The following SND1 variants were observed in gnomAD, a reference collection of about 807,000 sequenced individuals.
The protein encoded by SND1 is staphylococcal nuclease and tudor domain containing 1.
Under a neutral mutation model 121.7 loss-of-function variants are expected in SND1, and 38 were observed. That is an observed-to-expected ratio of 0.31 (90% CI 0.24 to 0.41). The LOEUF is 0.41. Ranked by LOEUF, SND1 falls within the 10% of genes least tolerant of loss-of-function variation. The pLI, the probability that SND1 is intolerant of heterozygous loss-of-function variation, is 1.00. For synonymous variants in SND1, 401 were observed against 447.4 expected, an observed-to-expected ratio of 0.90 and a Z score of 1.31; for missense variants, 868 against 1,184.6, an observed-to-expected ratio of 0.73 and a Z score of 3.92.
chr7:127,765,559 G>T (rs1329394212), intron 10 of SND1, among the ~76,000 whole-genome samples: 2 of 152,206 alleles, frequency 1.3e-5, no homozygotes, highest in Non-Finnish European at 2.9e-5. Flanking sequence ...TCAATCTCTT[G>T]TAAGTGCTGA....
chr7:127,973,108 G>A (rs537899966), intron 15 of SND1, among the ~76,000 whole-genome samples: 1 of 152,300 alleles, frequency 6.6e-6, no homozygotes, highest in East Asian at 1.9e-4. Context: ...TGAAGAGGAA[G>A]GAGCAGCCCT....
intron 11 of SND1, among the ~76,000 whole-genome samples, chr7:127,817,382 T>C (rs935053166): frequency 3.3e-5 from 5 of 152,190 alleles, no homozygotes; most frequent in African/African-American, 1.2e-4. Flanking sequence ...ATATTTCCCC[T>C]CCTAACTTCT....
At position 127,708,472 on chromosome 7, in the gene SND1, A is replaced by G. The variant is rs78702890; in HGVS notation, c.1038+825A>G. 2.8e-3 allele frequency among the ~76,000 whole-genome samples: 427 copies of G among 150,182 alleles called. 2 individuals carry two copies. Among genetic ancestry groups the G allele is most frequent in the African/African-American group, 9.9e-3 (403 of 40,856 alleles). On this transcript the variant is annotated intron_variant, in intron 9 of 23. Coordinates refer to ENST00000354725, the MANE Select transcript of SND1 (RefSeq NM_014390.4). ...CTGAAGAGAGATAAATGCATTTTCA[A>G]CTTACAGCATTTTCAGCTTATGATG...
chr7:128,030,711 C>T, intron 16 of SND1: 1 of 1,496,386 alleles, frequency 6.7e-7, no homozygotes. Flanking sequence ...CCTACCCCGG[C>T]TTAAGTGAGC....
intron 10 of SND1, among the ~76,000 whole-genome samples, chr7:127,739,145 A>G (rs1796831512): frequency 6.6e-6 from 1 of 152,206 alleles, no homozygotes; most frequent in African/African-American, 2.4e-5. Flanking sequence ...AGGGCTGGTG[A>G]TCATTCAGTG....
chr7:127,882,167 A>G (rs573397238), intron 12 of SND1, among the ~76,000 whole-genome samples: 1 of 151,920 alleles, frequency 6.6e-6, no homozygotes, highest in East Asian at 2.0e-4. Flanking sequence ...GGGTAGGAGG[A>G]TCCCTTAAGC....
intron 10 of SND1, among the ~76,000 whole-genome samples, chr7:127,782,550 A>G (rs1367249046): frequency 6.6e-6 from 1 of 152,246 alleles, no homozygotes; most frequent in African/African-American, 2.4e-5. Context: ...AGTTCGCTGA[A>G]AGTAGAATTT....
chr7:127,669,485 T>C (rs1423155308), intron 1 of SND1, among the ~76,000 whole-genome samples: 2 of 152,262 alleles, frequency 1.3e-5, no homozygotes, highest in African/African-American at 2.4e-5. Flanking sequence ...CTGTTCAATA[T>C]TCAGTTGTCT....
rs1798902613 is a variant in SND1 at position 127,838,296 on chromosome 7, C to CA, written c.1243-6027dup. Among the ~76,000 whole-genome samples the CA allele has an allele frequency of 2.0e-5, 3 of 152,172 alleles. No individual in the cohort carries two copies. In the South Asian group the frequency reaches 6.2e-4, roughly 32 times the overall value. On this transcript the variant is annotated intron_variant, in intron 11 of 23. Transcript: ENST00000354725. ...AAACTTTAAAATGGAGAACAAGGAA[C>CA]AGGGGAGCTGAACATACTGATGCAC...
intron 9 of SND1, among the ~76,000 whole-genome samples, chr7:127,714,810 G>C (rs1356569905): frequency 6.6e-6 from 1 of 152,124 alleles, no homozygotes; most frequent in African/African-American, 2.4e-5. Context: ...CCATGTTGTT[G>C]GATGAGTCAG....
Position 128,030,596 on chromosome 7 carries a change from A to T in SND1, c.1779+39540A>T, listed in dbSNP as rs1792558760. 2 of 1,594,782 alleles carry T rather than the reference A, an allele frequency of 1.3e-6. No homozygotes were observed. Among genetic ancestry groups the T allele is most frequent in the Non-Finnish European group, 1.7e-6 (2 of 1,167,712 alleles). On this transcript the variant is annotated intron_variant, in intron 16 of 23. Transcript: ENST00000354725. Reference sequence around the variant, plus strand: ...GGTAGACGAACGGGAGCAGGATGGCATTCCAGGTGTGGTGGTGCACAGTTA... The same window carrying T: ...GGTAGACGAACGGGAGCAGGATGGCTTTCCAGGTGTGGTGGTGCACAGTTA...
intron 16 of SND1, among the ~76,000 whole-genome samples, chr7:128,056,329 C>T (rs566962594): frequency 2.0e-5 from 3 of 152,208 alleles, no homozygotes; most frequent in Non-Finnish European, 2.9e-5. Flanking sequence ...AGGGCGCAGC[C>T]ATAATGAGCC....
chr7:127,656,141 A>C (rs959865130), intron 1 of SND1, among the ~76,000 whole-genome samples: 1 of 151,986 alleles, frequency 6.6e-6, no homozygotes, highest in Non-Finnish European at 1.5e-5. Flanking sequence ...AAGGGCCATA[A>C]TTTTCTCCTT....
chr7:127,842,387 A>G (rs965560209), intron 11 of SND1, among the ~76,000 whole-genome samples: 1 of 152,204 alleles, frequency 6.6e-6, no homozygotes, highest in Admixed American at 6.5e-5. Flanking sequence ...TTTATCTTCA[A>G]AGTTTTCATA....
At chr7:128,014,720 A>G (rs1217924256) in intron 16 of SND1, among the ~76,000 whole-genome samples, 2 of 151,804 alleles carry the variant, frequency 1.3e-5, no homozygotes, top group Non-Finnish European at 2.9e-5. Context: ...CTATCTGTGG[A>G]TCAAGATTCA....
At chr7:127,867,647 C>G (rs977190312) in intron 12 of SND1, among the ~76,000 whole-genome samples, 1 of 152,218 alleles carries the variant, frequency 6.6e-6, no homozygotes, top group African/African-American at 2.4e-5. Flanking sequence ...TATCCTGGCT[C>G]TCCTCACTGC....
chr7:128,064,816 A>T (rs1044985317), intron 16 of SND1, among the ~76,000 whole-genome samples: 19 of 152,350 alleles, frequency 1.2e-4, no homozygotes, highest in South Asian at 1.2e-3. Context: ...AGATTGGGAA[A>T]CACAGGCCTA....
intron 14 of SND1, among the ~76,000 whole-genome samples, chr7:127,907,623 C>T (rs1800366366): frequency 6.6e-6 from 1 of 152,140 alleles, no homozygotes; most frequent in African/African-American, 2.4e-5. Flanking sequence ...TATCTCTCAC[C>T]ACCCTCCTCT....
intron 10 of SND1, among the ~76,000 whole-genome samples, chr7:127,744,304 A>G (rs2116442219): frequency 6.6e-6 from 1 of 152,070 alleles, no homozygotes; most frequent in Middle Eastern, 3.4e-3. Context: ...GGGTCGGCTT[A>G]GAGACCACCC....
Sources: allele counts gnomAD v4.1 joint callset (sites outside exome capture counted in the v4.1 genomes callset), GRCh38; gene constraint gnomAD v4.1.1; transcripts MANE v1.5; gene names NCBI Gene and HGNC (gene_info 2026-07-23, HGNC 2026-07-21).